The following BRD8 variants were observed in gnomAD, a reference collection of about 807,000 sequenced individuals.
BRD8 encodes the protein bromodomain containing 8.
In BRD8, 67 loss-of-function variants were observed where a neutral mutation model predicts 143.1. The ratio of observed to expected loss-of-function variants is 0.47; its 90% confidence interval spans 0.38 to 0.57. The LOEUF is 0.57. Among genes scored for constraint, BRD8 ranks in the 20% least tolerant of loss-of-function variants. BRD8 has a pLI of 0.00. For synonymous variants in BRD8, 505 were observed against 517.1 expected, an observed-to-expected ratio of 0.98 and a Z score of 0.32; for missense variants, 1,103 against 1,503.0, an observed-to-expected ratio of 0.73 and a Z score of 4.40.
intron 25 of BRD8, 140 bp downstream of exon 25, chr5:138,145,037 A>C (rs1055959455): frequency 4.7e-6 from 4 of 855,596 alleles, no homozygotes; most frequent in Non-Finnish European, 7.5e-6. Context: ...TACTGAGCTC[A>C]TCATAACTTT....
intron 6 of BRD8, 135 bp from the exon 7 acceptor site, chr5:138,170,544 CA>C (rs1292835990): frequency 2.1e-6 from 2 of 957,102 alleles, no homozygotes; most frequent in Admixed American, 3.4e-5. Flanking sequence ...TTCTAACCAG[CA>C]AAACAGTGAA....
At chr5:138,141,397 T>G (rs1394122762) in intron 25 of BRD8, among the ~76,000 whole-genome samples, 1 of 152,226 alleles carries the variant, frequency 6.6e-6, no homozygotes, top group African/African-American at 2.4e-5. Context: ...CCCAAAGTAC[T>G]GGGATTACAA....
intron 2 of BRD8, chr5:138,177,357 C>CTT (rs1446642832): frequency 3.2e-6 from 1 of 311,056 alleles, no homozygotes. Flanking sequence ...TGGCGAAACT[C>CTT]TGTCTCTACT....
rs773487636 is a variant in BRD8 at position 138,166,590 on chromosome 5, T to C, written c.925A>G (p.Ile309Val). Residue 309 changes from isoleucine (I) to valine (V), a missense_variant, in exon 10 of 27, where the codon ATT (isoleucine) becomes GTT (valine). Transcript: ENST00000254900. ...GCTGGCAGCGCAGGCATCATGACAA[T>C]GGTAGCTTGGGACACAGACTCTACA... ...PPVESVSQAT[I>V]VMMPALPAPS... 5 of 1,613,850 alleles carry C rather than the reference T, an allele frequency of 3.1e-6. No homozygotes were observed. The Admixed American group carries it at 5.0e-5, about 16-fold the overall frequency.
chr5:138,162,231 ACT>A, intron 15 of BRD8, 85 bp from the exon 16 acceptor site: 1 of 1,087,800 alleles, frequency 9.2e-7, no homozygotes, highest in Non-Finnish European at 1.3e-6. Flanking sequence ...ACAGGGTCTC[ACT>A]CTGTCCCCCA....
At chr5:138,170,966 A>T in intron 5 of BRD8, 54 bp from the exon 6 acceptor site, 1 of 1,612,916 alleles carries the variant, frequency 6.2e-7, no homozygotes, top group Non-Finnish European at 8.5e-7. Context: ...GCTATTTTAA[A>T]AGTTCTGACC....
chr5:138,148,625 T>C (rs1405644180), intron 23 of BRD8, among the ~76,000 whole-genome samples: 1 of 152,026 alleles, frequency 6.6e-6, no homozygotes, highest in Non-Finnish European at 1.5e-5. Context: ...TGCCTCTGCC[T>C]CCCAAAGTGC....
chr5:138,148,394 A>T (rs1752247521), intron 23 of BRD8, among the ~76,000 whole-genome samples: 1 of 152,102 alleles, frequency 6.6e-6, no homozygotes, highest in Non-Finnish European at 1.5e-5. Context: ...TTTCTGAGAC[A>T]GGGTCTTGCT....
intron 20 of BRD8, among the ~76,000 whole-genome samples, chr5:138,158,922 C>T (rs936866486): frequency 4.0e-5 from 6 of 151,888 alleles, no homozygotes; most frequent in Admixed American, 1.3e-4. Flanking sequence ...CGCACCACTC[C>T]GCTGCACAGC....
At chr5:138,155,364 G>A (rs1326202453) in intron 20 of BRD8, among the ~76,000 whole-genome samples, 14 of 150,922 alleles carry the variant, frequency 9.3e-5, no homozygotes, top group African/African-American at 2.9e-4. Context: ...CAGGAGAATC[G>A]CTTGCACCTG....
intron 21 of BRD8, 73 bp from the exon 22 acceptor site, chr5:138,151,081 C>A: frequency 1.3e-6 from 2 of 1,519,094 alleles, no homozygotes; most frequent in South Asian, 1.2e-5. Flanking sequence ...AACAATGCCA[C>A]ATGCTAACAC....
intron 20 of BRD8, among the ~76,000 whole-genome samples, chr5:138,154,264 C>T (rs1486553132): frequency 6.6e-6 from 1 of 151,852 alleles, no homozygotes; most frequent in Non-Finnish European, 1.5e-5. Flanking sequence ...ATTTTGTTCC[C>T]TTCACTCACA....
intron 26 of BRD8, 25 bp downstream of exon 26, chr5:138,140,680 G>C: frequency 6.2e-7 from 1 of 1,606,962 alleles, no homozygotes; most frequent in Non-Finnish European, 8.5e-7. Flanking sequence ...AGATTCCAGA[G>C]GCTACAGGTA....
At chr5:138,146,772 T>C (rs985494932) in intron 23 of BRD8, among the ~76,000 whole-genome samples, 1 of 150,920 alleles carries the variant, frequency 6.6e-6, no homozygotes, top group African/African-American at 2.4e-5. Context: ...ATTGAGACCA[T>C]CCTGGCTAAC....
At chr5:138,142,207 TACA>T (rs1337248670) in intron 25 of BRD8, among the ~76,000 whole-genome samples, 9 of 152,288 alleles carry the variant, frequency 5.9e-5, no homozygotes, top group Admixed American at 1.3e-4. Flanking sequence ...CTCTGCAGAA[TACA>T]ACAACAAGGC....
chr5:138,161,646 C>A (rs950468516), intron 17 of BRD8, 150 bp downstream of exon 17: 18 of 680,546 alleles, frequency 2.6e-5, no homozygotes, highest in Non-Finnish European at 4.0e-5. Context: ...GGTGATCTAG[C>A]CACTGGAATT....
In BRD8 at chr5:138,145,773, C is replaced by A. The variant is rs1393187021; in HGVS notation, c.3368+16G>T. Reference sequence around the variant, plus strand: ...TCAGCTCTGAACATAATCCTATTACCACTTTGGAGACCTACCTGTGACTGG... The same window carrying A: ...TCAGCTCTGAACATAATCCTATTACAACTTTGGAGACCTACCTGTGACTGG... On this transcript the variant is annotated intron_variant, in intron 24 of 26. Transcript: ENST00000254900. 3 of 1,606,554 alleles carry A rather than the reference C, an allele frequency of 1.9e-6. No individual in the cohort carries two copies. In the East Asian group the frequency reaches 6.7e-5, roughly 36 times the overall value.
chr5:138,175,779 T>C (rs1179090183), intron 2 of BRD8, among the ~76,000 whole-genome samples: 1 of 150,298 alleles, frequency 6.7e-6, no homozygotes, highest in Non-Finnish European at 1.5e-5. Context: ...CCAGGGGTGA[T>C]GGCATGTGCC....
In BRD8 at chr5:138,164,901, G is replaced by C; in HGVS notation, c.1544C>G (p.Pro515Arg). 6.2e-7 allele frequency: 1 copy of C among 1,614,176 alleles called. No homozygotes were observed. The highest frequency in any genetic ancestry group is 2.2e-5 in the East Asian group (1 of 44,880). The change falls in exon 12 of 27, where the codon CCA (proline) becomes CGA (arginine). Residue 515 changes from proline (P) to arginine (R), a missense_variant. Coordinates refer to ENST00000254900, the MANE Select transcript of BRD8 (RefSeq NM_139199.2). ...SAEIKVEPAE[P>R]EPVISGAEIV... is the part of the protein sequence containing the mutation. ...TTCGGCTCCTGAAATGACTGGCTCT[G>C]GTTCTGCAGGTTCCACCTTGATCTC...
Sources: gnomAD v4.1 joint callset for allele counts (sites outside exome capture counted in the v4.1 genomes callset) on GRCh38, gnomAD v4.1.1 for gene constraint, MANE v1.5 for transcripts, NCBI Gene and HGNC (gene_info 2026-07-23, HGNC 2026-07-21) for gene names.